FNDC3B: variants seen among roughly 807,000 people sequenced by gnomAD.
The protein encoded by FNDC3B is fibronectin type III domain-containing protein 3B.
Under a neutral mutation model 151.5 loss-of-function variants are expected in FNDC3B, and 12 were observed. The ratio of observed to expected loss-of-function variants is 0.08; its 90% CI spans 0.05 to 0.13. The LOEUF (loss-of-function observed/expected upper bound fraction) is 0.13, where lower values mean the gene tolerates loss of function less well. FNDC3B is among the 10% of genes least tolerant of loss of function. FNDC3B has a pLI of 1.00. For synonymous variants in FNDC3B, 528 were observed against 549.0 expected, an observed-to-expected ratio of 0.96 and a Z score of 0.54; for missense variants, 1,214 against 1,505.3, an observed-to-expected ratio of 0.81 and a Z score of 3.20.
intron 11 of FNDC3B, among the ~76,000 whole-genome samples, chr3:172,323,260 C>G (rs1211907084): frequency 6.6e-6 from 1 of 152,046 alleles, no homozygotes; most frequent in African/African-American, 2.4e-5. Context: ...TAGCTCACAC[C>G]TATGATCCCA....
At chr3:172,197,145 G>T (rs890636848) in intron 3 of FNDC3B, among the ~76,000 whole-genome samples, 11 of 151,904 alleles carry the variant, frequency 7.2e-5, no homozygotes, top group Non-Finnish European at 1.6e-4. Context: ...GGCACCACTG[G>T]ATTCTAGCCT....
intron 1 of FNDC3B, among the ~76,000 whole-genome samples, chr3:172,088,261 C>G (rs1394702870): frequency 1.3e-5 from 2 of 152,092 alleles, no homozygotes; most frequent in Non-Finnish European, 2.9e-5. Flanking sequence ...GTACTGGTAC[C>G]ACAGAAGTTC....
At chr3:172,370,161 C>G (rs1043779384) in intron 23 of FNDC3B, among the ~76,000 whole-genome samples, 5 of 152,068 alleles carry the variant, frequency 3.3e-5, no homozygotes, top group African/African-American at 1.2e-4. Flanking sequence ...TATAAGATAA[C>G]AAGGTAGTAA....
chr3:172,058,763 T>A (rs1230830003), intron 1 of FNDC3B, among the ~76,000 whole-genome samples: 1 of 152,214 alleles, frequency 6.6e-6, no homozygotes, highest in African/African-American at 2.4e-5. Flanking sequence ...CTCATTTTAA[T>A]GGATCTGTAG....
intron 3 of FNDC3B, among the ~76,000 whole-genome samples, chr3:172,152,294 AC>A (rs1385826492): frequency 1.3e-5 from 2 of 151,750 alleles, no homozygotes; most frequent in East Asian, 3.9e-4. Flanking sequence ...TAGAAGCCTC[AC>A]CCCTTCACTC....
At chr3:172,324,482 C>T (rs1324459728) in intron 11 of FNDC3B, among the ~76,000 whole-genome samples, 2 of 152,176 alleles carry the variant, frequency 1.3e-5, no homozygotes, top group African/African-American at 2.4e-5. Context: ...GTTTGCAATG[C>T]GTCATCCTGC....
intron 3 of FNDC3B, chr3:172,225,834 T>A (rs960390835): frequency 6.4e-6 from 1 of 156,756 alleles, no homozygotes; most frequent in African/African-American, 2.4e-5. Flanking sequence ...ACCTTGAGAG[T>A]GGTGCTCTTC....
chr3:172,307,935 G>A (rs1217481106), intron 10 of FNDC3B, among the ~76,000 whole-genome samples: 1 of 152,090 alleles, frequency 6.6e-6, no homozygotes, highest in African/African-American at 2.4e-5. Flanking sequence ...AGTGATATAG[G>A]TACTTAAAAT....
intron 3 of FNDC3B, among the ~76,000 whole-genome samples, chr3:172,183,124 C>A (rs994641180): frequency 6.6e-6 from 1 of 152,122 alleles, no homozygotes; most frequent in African/African-American, 2.4e-5. Context: ...CATCCTTGTT[C>A]TTCTTTGTGT....
At chr3:172,263,118 C>A (rs1447591393) in intron 6 of FNDC3B, among the ~76,000 whole-genome samples, 1 of 150,128 alleles carries the variant, frequency 6.7e-6, no homozygotes, top group African/African-American at 2.4e-5. Context: ...TATGGCATTT[C>A]TGTGAAATAA....
At chr3:172,169,276 A>G (rs1723172544) in intron 3 of FNDC3B, among the ~76,000 whole-genome samples, 1 of 152,194 alleles carries the variant, frequency 6.6e-6, no homozygotes, top group Non-Finnish European at 1.5e-5. Flanking sequence ...CCAAAGGAGC[A>G]AGTGAAGGGG....
At chr3:172,358,511 G>A (rs1734204993) in intron 22 of FNDC3B, among the ~76,000 whole-genome samples, 1 of 152,224 alleles carries the variant, frequency 6.6e-6, no homozygotes, top group Admixed American at 6.5e-5. Context: ...CTGTTGCTGA[G>A]TCCTTGGCCA....
intron 25 of FNDC3B, among the ~76,000 whole-genome samples, chr3:172,381,444 CTTTT>C (rs1031899122): frequency 1.3e-5 from 2 of 148,518 alleles, no homozygotes; most frequent in Admixed American, 6.7e-5. Flanking sequence ...GAAGTAGTCT[CTTTT>C]TTTGTTGTTG....
intron 2 of FNDC3B, among the ~76,000 whole-genome samples, chr3:172,113,639 T>C (rs1163765658): frequency 6.6e-6 from 1 of 152,210 alleles, no homozygotes; most frequent in East Asian, 1.9e-4. Context: ...TTCCTCAGTC[T>C]CTTCCTCTGC....
chr3:172,160,841 A>G (rs1047446185), intron 3 of FNDC3B, among the ~76,000 whole-genome samples: 1 of 152,234 alleles, frequency 6.6e-6, no homozygotes, highest in Non-Finnish European at 1.5e-5. Flanking sequence ...AATGGAAGGA[A>G]TTCCTATTTT....
At chr3:172,281,340 G>A (rs1200004896) in intron 6 of FNDC3B, among the ~76,000 whole-genome samples, 1 of 151,928 alleles carries the variant, frequency 6.6e-6, no homozygotes, top group Non-Finnish European at 1.5e-5. Flanking sequence ...CCACATCCCG[G>A]GTTCAAGCGA....
At chr3:172,336,487 T>C (rs1169544226) in intron 15 of FNDC3B, among the ~76,000 whole-genome samples, 5 of 152,242 alleles carry the variant, frequency 3.3e-5, no homozygotes, top group African/African-American at 1.2e-4. Context: ...TCACCTGGGA[T>C]GCTGGGATGT....
chr3:172,382,392 C>T (rs1249687510), intron 25 of FNDC3B, among the ~76,000 whole-genome samples: 2 of 152,090 alleles, frequency 1.3e-5, no homozygotes, highest in Non-Finnish European at 1.5e-5. Flanking sequence ...GGATAGATTG[C>T]AAAATTTTTC....
At chr3:172,073,017 A>G (rs567477253) in intron 1 of FNDC3B, among the ~76,000 whole-genome samples, 1 of 152,342 alleles carries the variant, frequency 6.6e-6, no homozygotes, top group East Asian at 1.9e-4. Context: ...AAATGGAAGC[A>G]AGCAAAGCCT....
Sources: gnomAD v4.1 joint callset for allele counts (sites outside exome capture counted in the v4.1 genomes callset) on GRCh38, gnomAD v4.1.1 for gene constraint, MANE v1.5 for transcripts, NCBI Gene and HGNC (gene_info 2026-07-23, HGNC 2026-07-21) for gene names.